SYT3: variants seen among roughly 807,000 people sequenced by gnomAD.
SYT3 encodes the protein synaptotagmin 3.
In SYT3, 25 loss-of-function variants were observed where a neutral mutation model predicts 50.6. That is an observed-to-expected ratio of 0.49 (90% CI 0.36 to 0.69). The LOEUF is 0.69. Ranked by LOEUF, SYT3 falls within the 30% of genes least tolerant of loss-of-function variation. SYT3 has a pLI of 0.00. For missense variants in SYT3, 589 were observed against 793.6 expected (o/e 0.74, Z 3.10); for synonymous variants, 323 against 353.9 (o/e 0.91, Z 0.98).
In SYT3 at chr19:50,629,404, G is replaced by A. The variant is rs772803460; in HGVS notation, c.1171C>T (p.Arg391Cys). ...CCGATGAGGTCGTGCCGCGAGAAGC[G>A]GTCAAAGTCATAGACGCTGAAGTGC... is the stretch of plus-strand genomic sequence containing the variant. The part of the protein sequence containing the change: ...KLHFSVYDFD[R>C]FSRHDLIGQV... The change falls in exon 6 of 11, where the codon CGC becomes TGC. Residue 391 changes from arginine to cysteine, a missense_variant. Transcript: ENST00000600079. The A allele has an allele frequency of 6.2e-7, 1 of 1,614,012 alleles. No homozygotes were observed. Among genetic ancestry groups the A allele is most frequent in the Non-Finnish European group, 8.5e-7 (1 of 1,179,936 alleles).
chr19:50,656,178 C>T, the SYT3 span: 2 of 1,536,116 alleles, frequency 1.3e-6, no homozygotes, highest in Non-Finnish European at 1.7e-6. Flanking sequence ...AATGTGATGG[C>T]AGTGAACCCT....
the SYT3 span, among the ~76,000 whole-genome samples, chr19:50,652,234 C>T: frequency 1.1e-4 from 17 of 152,190 alleles, no homozygotes; most frequent in East Asian, 3.3e-3. Context: ...TTATAGTTGG[C>T]TTGTTTAAAT....
At chr19:50,635,853 G>A (rs187120972) in intron 3 of SYT3, among the ~76,000 whole-genome samples, 69 of 152,358 alleles carry the variant, frequency 4.5e-4, no homozygotes, top group African/African-American at 1.5e-3. Context: ...GGGAGAGGAT[G>A]ACTGGAAGCT....
rs148883691 is a variant in SYT3 at position 50,628,634 on chromosome 19, G to A, written c.1281+660C>T. Among the ~76,000 whole-genome samples the A allele has an allele frequency of 9.9e-3, 1,510 of 152,182 alleles. 30 individuals are homozygous for A. Among genetic ancestry groups the A allele is most frequent in the African/African-American group, 0.034 (1,402 of 41,514 alleles). Reference sequence around the variant, plus strand: ...TAGAGAGGGACTGGGGCTTCCAGAAGTCCAGTCATTGGAAAGTCAGGAAGT... The same window carrying A: ...TAGAGAGGGACTGGGGCTTCCAGAAATCCAGTCATTGGAAAGTCAGGAAGT... On this transcript the variant is annotated intron_variant, in intron 6 of 10. Coordinates refer to ENST00000600079, the MANE Select transcript of SYT3 (RefSeq NM_001160329.2).
At position 50,625,229 on chromosome 19, in the gene SYT3, C is replaced by T. The variant is rs1599812754; in HGVS notation, c.1640G>A (p.Arg547His). Residue 547 changes from arginine to histidine, a missense_variant, in exon 9 of 11, where the codon CGC becomes CAC. Arg to His is a conservative substitution (Grantham distance 29). Coordinates refer to ENST00000600079, the MANE Select transcript of SYT3 (RefSeq NM_001160329.2). The surrounding 1 kb of genome is among the most constrained non-coding windows in gnomAD (Gnocchi z 7.5). ...VGPDAADPHGREHWAEMLANP... is the reference protein window; with the variant it reads ...VGPDAADPHGHEHWAEMLANP... ...GGCCAGCATCTCTGCCCAGTGCTCG[C>T]GGCCGTGCGGGTCGGCAGCGTCGGG... The T allele has an allele frequency of 5.7e-6, 9 of 1,588,378 alleles. No individual in the cohort carries two copies. The highest frequency in any genetic ancestry group is 4.5e-5 in the East Asian group (2 of 44,042).
At chr19:50,629,242 G>A (rs1007871243) in intron 6 of SYT3, 52 bp downstream of exon 6, 31 of 1,448,886 alleles carry the variant, frequency 2.1e-5, no homozygotes, top group Middle Eastern at 2.3e-4. Context: ...CTTGCAACCC[G>A]GGGGGTCTCA....
chr19:50,638,009 T>A (rs937918482), intron 2 of SYT3: 1 of 152,334 alleles, frequency 6.6e-6, no homozygotes, highest in South Asian at 2.1e-4. Context: ...TTCCCTGACC[T>A]CCCGGTGTCA....
chr19:50,625,381 C>A lies in SYT3; in HGVS notation c.1574+12G>T. On this transcript the variant is annotated intron_variant, in intron 8 of 10. Transcript: ENST00000600079. The surrounding 1 kb of genome is among the most constrained non-coding windows in gnomAD (Gnocchi z 7.5). Reference sequence around the variant, plus strand: ...CCTCCTGCCTGACCCCCGCCCGGGCCGCGCCCCTCACCAGTCGTAGTCTAC... The same window carrying A: ...CCTCCTGCCTGACCCCCGCCCGGGCAGCGCCCCTCACCAGTCGTAGTCTAC... 6.5e-7 allele frequency: 1 copy of A among 1,546,406 alleles called. No individual in the cohort carries two copies. Among genetic ancestry groups the A allele is most frequent in the Non-Finnish European group, 8.7e-7 (1 of 1,146,322 alleles).
chr19:50,645,695 A>G, the SYT3 span, among the ~76,000 whole-genome samples: 3 of 152,182 alleles, frequency 2.0e-5, no homozygotes, highest in African/African-American at 7.2e-5. Context: ...CCTGGACAAC[A>G]TGGTGAAATT....
chr19:50,623,864 A>G (rs1031447456), intron 9 of SYT3, among the ~76,000 whole-genome samples: 2 of 151,992 alleles, frequency 1.3e-5, no homozygotes, highest in African/African-American at 4.8e-5. Context: ...ATGCAAAAAA[A>G]TCAATGATGA....
At chr19:50,646,115 G>A in the SYT3 span, among the ~76,000 whole-genome samples, 335 of 152,286 alleles carry the variant, frequency 2.2e-3, no homozygotes, top group African/African-American at 7.5e-3. Context: ...TAGATGCAGA[G>A]TCAGAGGACT....
chr19:50,656,232 G>A, the SYT3 span: 2 of 1,536,160 alleles, frequency 1.3e-6, no homozygotes, highest in South Asian at 2.4e-5. Context: ...CTAGAAAGCA[G>A]TACCTGCGGC....
chr19:50,626,747 G>A (rs1369925279), intron 6 of SYT3, among the ~76,000 whole-genome samples: 2 of 151,046 alleles, frequency 1.3e-5, no homozygotes, highest in Non-Finnish European at 3.0e-5. Context: ...CAGAGACCCA[G>A]AGAGAGAAAG....
chr19:50,623,989 T>TAA (rs1473042245), intron 9 of SYT3, among the ~76,000 whole-genome samples: 11 of 149,548 alleles, frequency 7.4e-5, no homozygotes, highest in African/African-American at 2.7e-4. Flanking sequence ...AGGAGAGGGG[T>TAA]TCCTGCTCCA....
chr19:50,644,571 G>C (rs1487155549), upstream of SYT3, among the ~76,000 whole-genome samples: 1 of 151,720 alleles, frequency 6.6e-6, no homozygotes, highest in Non-Finnish European at 1.5e-5. Context: ...TGGATGGGAT[G>C]GATGGAAGCT....
chr19:50,648,622 C>A, the SYT3 span, among the ~76,000 whole-genome samples: 1 of 152,122 alleles, frequency 6.6e-6, no homozygotes, highest in African/African-American at 2.4e-5. Context: ...CCCATCCTCT[C>A]CTCCCTCAGA....
At chr19:50,654,938 G>C in the SYT3 span, among the ~76,000 whole-genome samples, 1 of 152,204 alleles carries the variant, frequency 6.6e-6, no homozygotes, top group Non-Finnish European at 1.5e-5. Flanking sequence ...TTAGAGATAA[G>C]AGTTCCTCCC....
intron 3 of SYT3, among the ~76,000 whole-genome samples, chr19:50,635,673 G>A (rs1984473459): frequency 1.3e-5 from 2 of 152,156 alleles, no homozygotes; most frequent in Non-Finnish European, 1.5e-5. Context: ...CTCTGGAGGA[G>A]CTGGAGACTA....
chr19:50,623,844 A>G (rs763874781), intron 9 of SYT3, among the ~76,000 whole-genome samples: 1 of 151,966 alleles, frequency 6.6e-6, no homozygotes, highest in Non-Finnish European at 1.5e-5. Context: ...TTTAAAAAAA[A>G]TCAAAATTAA....
Sources: allele counts gnomAD v4.1 joint callset (sites outside exome capture counted in the v4.1 genomes callset), GRCh38; gene constraint gnomAD v4.1.1; non-coding constraint Gnocchi (gnomAD v3.1); transcripts MANE v1.5; gene names NCBI Gene and HGNC (gene_info 2026-07-23, HGNC 2026-07-21).